Variants in CSGALNACT1 observed in about 807,000 individuals in gnomAD.
CSGALNACT1 encodes the protein chondroitin sulfate N-acetylgalactosaminyltransferase 1.
Under a neutral mutation model 51.0 loss-of-function variants are expected in CSGALNACT1, and 52 were observed. That is an observed-to-expected ratio of 1.02 (90% confidence interval 0.82 to 1.29). The LOEUF (loss-of-function observed/expected upper bound fraction) is 1.29. CSGALNACT1 is among the 50% of genes most tolerant of loss of function. The pLI, the probability that CSGALNACT1 is intolerant of heterozygous loss-of-function variation, is 0.00. For missense variants in CSGALNACT1, 935 were observed against 679.2 expected, an observed-to-expected ratio of 1.38 and a Z score of -4.19; for synonymous variants, 341 against 254.4, an observed-to-expected ratio of 1.34 and a Z score of -3.24.
At chr8:19,682,362 C>G (rs1418585670) in intron 1 of CSGALNACT1, 1 of 304,082 alleles carries the variant, frequency 3.3e-6, no homozygotes, top group East Asian at 8.2e-5. Flanking sequence ...TCACTTACCT[C>G]CCTTCCTAGG....
At chr8:19,523,535 G>C (rs2081120962) in intron 3 of CSGALNACT1, among the ~76,000 whole-genome samples, 1 of 152,078 alleles carries the variant, frequency 6.6e-6, no homozygotes, top group African/African-American at 2.4e-5. Flanking sequence ...CTCCCAAAGT[G>C]GTGAGATTAC....
intron 3 of CSGALNACT1, among the ~76,000 whole-genome samples, chr8:19,533,587 G>C (rs2083195570): frequency 6.6e-6 from 1 of 151,994 alleles, no homozygotes; most frequent in African/African-American, 2.4e-5. Context: ...CCTTTCTATG[G>C]CTCATATAGA....
At chr8:19,463,559 T>C (rs2066014248) in intron 4 of CSGALNACT1, among the ~76,000 whole-genome samples, 1 of 152,208 alleles carries the variant, frequency 6.6e-6, no homozygotes, top group Non-Finnish European at 1.5e-5. Context: ...GAATGGTTTT[T>C]CAGCCAGTAA....
chr8:19,470,211 G>A (rs1215576587), intron 4 of CSGALNACT1, among the ~76,000 whole-genome samples: 1 of 152,130 alleles, frequency 6.6e-6, no homozygotes, highest in Non-Finnish European at 1.5e-5. Flanking sequence ...GGAGCAGAAG[G>A]CTAGGGATAC....
At chr8:19,719,002 C>T (rs2062966937) in intron 1 of CSGALNACT1, among the ~76,000 whole-genome samples, 2 of 152,168 alleles carry the variant, frequency 1.3e-5, no homozygotes, top group Admixed American at 6.5e-5. Flanking sequence ...CTATCTCTGT[C>T]TTGTAGACAC....
At chr8:19,610,506 G>A (rs1369085133) in intron 1 of CSGALNACT1, among the ~76,000 whole-genome samples, 1 of 152,008 alleles carries the variant, frequency 6.6e-6, no homozygotes, top group Non-Finnish European at 1.5e-5. Context: ...CAGAGACAGG[G>A]GCAGGTGGAC....
intron 1 of CSGALNACT1, among the ~76,000 whole-genome samples, chr8:19,731,498 T>A (rs1262116206): frequency 1.3e-5 from 2 of 152,084 alleles, no homozygotes; most frequent in African/African-American, 4.8e-5. Context: ...AGAGCGAGAC[T>A]CCATCTCAAA....
chr8:19,573,122 C>T (rs1207110317), intron 3 of CSGALNACT1, among the ~76,000 whole-genome samples: 6 of 152,154 alleles, frequency 3.9e-5, no homozygotes, highest in East Asian at 1.9e-4. Context: ...CGGTAGCATT[C>T]GGAGGTTTTA....
At chr8:19,736,374 C>T (rs2063973601) in intron 1 of CSGALNACT1, among the ~76,000 whole-genome samples, 1 of 152,074 alleles carries the variant, frequency 6.6e-6, no homozygotes, top group African/African-American at 2.4e-5. Flanking sequence ...TTATCCAGCC[C>T]TTTACAGAAA....
intron 3 of CSGALNACT1, among the ~76,000 whole-genome samples, chr8:19,527,068 G>A (rs1341245360): frequency 6.6e-6 from 1 of 152,120 alleles, no homozygotes. Flanking sequence ...GACAGGTAAA[G>A]CTCACGATAT....
At chr8:19,424,078 G>T (rs1250905981) in intron 6 of CSGALNACT1, among the ~76,000 whole-genome samples, 2 of 152,148 alleles carry the variant, frequency 1.3e-5, no homozygotes, top group Admixed American at 6.5e-5. Flanking sequence ...TGGCCAGAAG[G>T]CAACATTGCT....
In CSGALNACT1 at chr8:19,672,183, T is replaced by A. The variant is rs1470490708; in HGVS notation, c.-544+10290A>T. Among the ~76,000 whole-genome samples, 4 of 152,194 alleles carry A rather than the reference T, an allele frequency of 2.6e-5. No individual in the cohort carries two copies. In the East Asian group the frequency reaches 7.7e-4, roughly 29 times the overall value. ...GTTCCTGCCTCCCACACATGGCAAT[T>A]TTTTCCATCAAGCTCATGGAATTTC... is the stretch of plus-strand genomic sequence containing the variant. On this transcript the variant is annotated intron_variant, in intron 1 of 9. Transcript: ENST00000332246.
intron 1 of CSGALNACT1, 46 bp from the exon 2 acceptor site, chr8:19,601,911 T>C (rs1180760283): frequency 6.6e-6 from 3 of 453,670 alleles, no homozygotes; most frequent in Non-Finnish European, 1.3e-5. Context: ...AATTTCCATG[T>C]CTTAAATGTA....
At chr8:19,682,036 T>A (rs1360328342) in intron 1 of CSGALNACT1, among the ~76,000 whole-genome samples, 1 of 152,158 alleles carries the variant, frequency 6.6e-6, no homozygotes, top group African/African-American at 2.4e-5. Context: ...GCCAGGGATG[T>A]CTCCCTGTAC....
chr8:19,626,311 A>C (rs2154166259), intron 1 of CSGALNACT1, among the ~76,000 whole-genome samples: 1 of 152,344 alleles, frequency 6.6e-6, no homozygotes, highest in Non-Finnish European at 1.5e-5. Flanking sequence ...AGATTTAAAA[A>C]GCAACTGAAT....
intron 6 of CSGALNACT1, among the ~76,000 whole-genome samples, chr8:19,433,517 G>A (rs1209449574): frequency 6.6e-6 from 1 of 152,162 alleles, no homozygotes; most frequent in Admixed American, 6.5e-5. Context: ...ACTGCCTCGG[G>A]CAGCCACAAA....
chr8:19,532,925 A>C (rs532743951), intron 3 of CSGALNACT1, among the ~76,000 whole-genome samples: 1 of 152,094 alleles, frequency 6.6e-6, no homozygotes, highest in African/African-American at 2.4e-5. Context: ...ACTGCCATAC[A>C]TCCCATCCGA....
At chr8:19,441,690 A>C (rs920488504) in intron 5 of CSGALNACT1, among the ~76,000 whole-genome samples, 3 of 152,218 alleles carry the variant, frequency 2.0e-5, no homozygotes, top group African/African-American at 7.2e-5. Flanking sequence ...CACCAAAAGC[A>C]ATGGCAACAA....
chr8:19,590,720 G>A (rs962375145), intron 3 of CSGALNACT1, among the ~76,000 whole-genome samples: 2 of 141,260 alleles, frequency 1.4e-5, no homozygotes, highest in African/African-American at 5.4e-5. Flanking sequence ...CGCGATCTCG[G>A]CTCACTGCAA....
Sources: allele counts gnomAD v4.1 joint callset (sites outside exome capture counted in the v4.1 genomes callset), GRCh38; gene constraint gnomAD v4.1.1; transcripts MANE v1.5; gene names NCBI Gene and HGNC (gene_info 2026-07-23, HGNC 2026-07-21).